HAO1: variants seen among roughly 807,000 people sequenced by gnomAD.
The protein encoded by HAO1 is hydroxyacid oxidase 1, also known as 2-Hydroxyacid oxidase 1.
A neutral mutation model predicts 39.7 loss-of-function variants in HAO1; 34 were observed. The ratio of observed to expected loss-of-function variants is 0.86; its 90% confidence interval spans 0.65 to 1.14. The LOEUF is 1.14. HAO1 is among the 50% of genes most tolerant of loss of function. The pLI is 0.00. For synonymous variants in HAO1, 172 were observed against 173.2 expected (o/e 0.99, Z 0.05); for missense variants, 479 against 464.5 (o/e 1.03, Z -0.29).
chr20:7,907,053 G>A (rs2122769167), intron 3 of HAO1, among the ~76,000 whole-genome samples: 1 of 152,294 alleles, frequency 6.6e-6, no homozygotes, highest in African/African-American at 2.4e-5. Flanking sequence ...TGCCCCTGTA[G>A]ACTCCTTCTT....
chr20:7,921,344 T>C (rs2050331663), intron 2 of HAO1, among the ~76,000 whole-genome samples: 1 of 152,038 alleles, frequency 6.6e-6, no homozygotes, highest in Admixed American at 6.6e-5. Flanking sequence ...CTGATAAATA[T>C]ATGAAAATGA....
At chr20:7,894,228 C>G (rs2050186710) in intron 5 of HAO1, among the ~76,000 whole-genome samples, 2 of 152,144 alleles carry the variant, frequency 1.3e-5, no homozygotes, top group Admixed American at 1.3e-4. Context: ...TCTGGACCCC[C>G]AGTCTCTGAT....
In HAO1 at chr20:7,883,578, A is replaced by T; in HGVS notation, c.*15T>A. ...CTGAAAAAAAATAATACAGATGGGA[A>T]AATATTGTGCACTGTCAGATCTTGG... On this transcript the variant is annotated 3_prime_UTR_variant, in exon 8 of 8. Transcript: ENST00000378789. 6.3e-7 allele frequency: 1 copy of T among 1,596,174 alleles called. No individual in the cohort carries two copies. The highest frequency in any genetic ancestry group is 8.6e-7 in the Non-Finnish European group (1 of 1,163,702).
chr20:7,922,686 A>G (rs1568518282), intron 2 of HAO1, among the ~76,000 whole-genome samples: 1 of 152,088 alleles, frequency 6.6e-6, no homozygotes, highest in Non-Finnish European at 1.5e-5. Flanking sequence ...CCTGTTCACA[A>G]ATTTCCATGG....
At chr20:7,929,228 C>T (rs1345280912) in intron 2 of HAO1, among the ~76,000 whole-genome samples, 1 of 151,902 alleles carries the variant, frequency 6.6e-6, no homozygotes, top group African/African-American at 2.4e-5. Context: ...TTTTTATTTC[C>T]ACTAGATGTA....
At chr20:7,938,189 G>A (rs577912213) in intron 1 of HAO1, among the ~76,000 whole-genome samples, 1 of 152,242 alleles carries the variant, frequency 6.6e-6, no homozygotes, top group Admixed American at 6.5e-5. Context: ...TCAACCCAAA[G>A]TCTCCACAAC....
At chr20:7,921,775 T>TA (rs1267919565) in intron 2 of HAO1, among the ~76,000 whole-genome samples, 1 of 152,088 alleles carries the variant, frequency 6.6e-6, no homozygotes, top group African/African-American at 2.4e-5. Context: ...TATGTAGCCA[T>TA]AAAAAATAAC....
intron 4 of HAO1, among the ~76,000 whole-genome samples, chr20:7,901,172 A>C (rs2050219822): frequency 1.3e-5 from 2 of 152,194 alleles, no homozygotes. Context: ...TATAACATAA[A>C]AGTGCAAGAT....
intron 2 of HAO1, among the ~76,000 whole-genome samples, chr20:7,923,425 C>T (rs1206800071): frequency 6.6e-6 from 1 of 152,088 alleles, no homozygotes; most frequent in Non-Finnish European, 1.5e-5. Flanking sequence ...CCATTGTGTA[C>T]ATAAATTTTA....
chr20:7,924,166 A>G (rs1182931395), intron 2 of HAO1, among the ~76,000 whole-genome samples: 5 of 151,400 alleles, frequency 3.3e-5, no homozygotes, highest in African/African-American at 1.2e-4. Flanking sequence ...CCATTATCCC[A>G]TGATTTTGGT....
intron 3 of HAO1, among the ~76,000 whole-genome samples, chr20:7,913,455 A>G (rs1229146111): frequency 6.6e-6 from 1 of 152,190 alleles, no homozygotes; most frequent in Non-Finnish European, 1.5e-5. Context: ...TGTATAGCTT[A>G]AGGAGGTTTG....
chr20:7,926,837 T>C (rs780214467), intron 2 of HAO1, among the ~76,000 whole-genome samples: 1 of 151,858 alleles, frequency 6.6e-6, no homozygotes, highest in Non-Finnish European at 1.5e-5. Context: ...TCTAATTGCA[T>C]CCAGGGGCTG....
At chr20:7,897,314 TAC>T (rs1483085171) in intron 4 of HAO1, among the ~76,000 whole-genome samples, 1 of 152,220 alleles carries the variant, frequency 6.6e-6, no homozygotes, top group Non-Finnish European at 1.5e-5. Flanking sequence ...TCTAATGACT[TAC>T]ATTATCAGCA....
At chr20:7,895,045 A>C in intron 5 of HAO1, 88 bp downstream of exon 5, 1 of 858,776 alleles carries the variant, frequency 1.2e-6, no homozygotes, top group South Asian at 1.4e-5. Context: ...CACAAAGTAC[A>C]CACAGAGAGG....
At chr20:7,935,112 A>C (rs904598383) in intron 1 of HAO1, among the ~76,000 whole-genome samples, 1 of 152,222 alleles carries the variant, frequency 6.6e-6, no homozygotes, top group Non-Finnish European at 1.5e-5. Flanking sequence ...TTCAGTATGT[A>C]GCCTTTTGAG....
At chr20:7,899,456 T>G (rs1184566979) in intron 4 of HAO1, among the ~76,000 whole-genome samples, 1 of 152,162 alleles carries the variant, frequency 6.6e-6, no homozygotes, top group African/African-American at 2.4e-5. Flanking sequence ...TTGGGTTCTG[T>G]TTATAACAGT....
intron 3 of HAO1, among the ~76,000 whole-genome samples, chr20:7,912,178 G>T (rs1234279868): frequency 6.6e-6 from 1 of 152,150 alleles, no homozygotes; most frequent in African/African-American, 2.4e-5. Flanking sequence ...CAGCTGAAAA[G>T]AGTCTTTGTT....
At chr20:7,886,362 C>G (rs111389237) in intron 5 of HAO1, among the ~76,000 whole-genome samples, 1 of 151,782 alleles carries the variant, frequency 6.6e-6, no homozygotes, top group Non-Finnish European at 1.5e-5. Flanking sequence ...TTAGTAGAGA[C>G]GGGGTTTCAT....
At chr20:7,937,454 C>T (rs2050418095) in intron 1 of HAO1, among the ~76,000 whole-genome samples, 1 of 151,834 alleles carries the variant, frequency 6.6e-6, no homozygotes, top group Admixed American at 6.6e-5. Flanking sequence ...TATGAGAACA[C>T]AATGTCACTG....
Sources: gnomAD v4.1 joint callset for allele counts (sites outside exome capture counted in the v4.1 genomes callset) on GRCh38, gnomAD v4.1.1 for gene constraint, MANE v1.5 for transcripts, NCBI Gene and HGNC (gene_info 2026-07-23, HGNC 2026-07-21) for gene names.